Variants in RBPJ observed in about 807,000 individuals in gnomAD.
RBPJ encodes recombination signal binding protein for immunoglobulin kappa J region.
A neutral mutation model predicts 67.8 loss-of-function variants in RBPJ; 9 were observed. The ratio of observed to expected loss-of-function variants is 0.13; its 90% confidence interval spans 0.08 to 0.23. The LOEUF is 0.23. RBPJ is among the 10% of genes least tolerant of loss of function. RBPJ has a pLI of 1.00. For synonymous variants in RBPJ, 198 were observed against 203.3 expected (o/e 0.97, Z 0.22); for missense variants, 305 against 595.6 (o/e 0.51, Z 5.08).
intron 1 of RBPJ, among the ~76,000 whole-genome samples, chr4:26,228,548 C>T (rs996033020): frequency 6.6e-6 from 1 of 152,194 alleles, no homozygotes; most frequent in African/African-American, 2.4e-5. Context: ...TTAATTCAAG[C>T]CTGTATTTCC....
chr4:26,409,648 C>T (rs1733826079), intron 3 of RBPJ, among the ~76,000 whole-genome samples: 1 of 152,104 alleles, frequency 6.6e-6, no homozygotes, highest in East Asian at 1.9e-4. Context: ...TACAGGCACC[C>T]ACCACCACGC....
At chr4:26,156,854 G>T in the RBPJ span, among the ~76,000 whole-genome samples, 2 of 151,860 alleles carry the variant, frequency 1.3e-5, no homozygotes, top group Non-Finnish European at 2.9e-5. Context: ...CAGATTGCTT[G>T]AGCCCAGGAA....
intron 2 of RBPJ, among the ~76,000 whole-genome samples, chr4:26,389,924 T>C (rs1001856145): frequency 2.0e-5 from 3 of 152,160 alleles, no homozygotes; most frequent in African/African-American, 7.2e-5. Flanking sequence ...GAGCAGGACA[T>C]ACTTCTCAGT....
chr4:26,244,288 T>TGTACAC (rs1227375951), intron 1 of RBPJ, among the ~76,000 whole-genome samples: 53 of 149,206 alleles, frequency 3.6e-4, no homozygotes, highest in Non-Finnish European at 5.0e-4. Flanking sequence ...TGTGTATATG[T>TGTACAC]ATACACATAT....
At chr4:26,394,770 A>G (rs1442609336) in intron 2 of RBPJ, among the ~76,000 whole-genome samples, 1 of 152,168 alleles carries the variant, frequency 6.6e-6, no homozygotes, top group Non-Finnish European at 1.5e-5. Flanking sequence ...AAAAGGTAAG[A>G]CTGGAATCCT....
chr4:26,180,725 G>A (rs1404990489), intron 1 of RBPJ, among the ~76,000 whole-genome samples: 1 of 152,146 alleles, frequency 6.6e-6, no homozygotes. Context: ...TCAAACTATA[G>A]CATTGTGGTC....
the RBPJ span, among the ~76,000 whole-genome samples, chr4:26,121,677 G>GA: frequency 4.0e-5 from 6 of 151,368 alleles, no homozygotes; most frequent in South Asian, 2.1e-4. Context: ...AACCAAAATG[G>GA]AAAAAAAACA....
intron 1 of RBPJ, among the ~76,000 whole-genome samples, chr4:26,332,678 TC>T (rs1238772467): frequency 6.6e-6 from 1 of 152,192 alleles, no homozygotes; most frequent in Non-Finnish European, 1.5e-5. Flanking sequence ...TGAGACAGGG[TC>T]TCGCTTTGCT....
chr4:26,232,038 T>C (rs1352697645), intron 1 of RBPJ, among the ~76,000 whole-genome samples: 2 of 151,490 alleles, frequency 1.3e-5, no homozygotes, highest in East Asian at 2.0e-4. Context: ...ACTACAGGCA[T>C]GCATCACCAT....
intron 1 of RBPJ, among the ~76,000 whole-genome samples, chr4:26,348,910 T>C (rs916556842): frequency 6.6e-6 from 1 of 152,076 alleles, no homozygotes; most frequent in African/African-American, 2.4e-5. Context: ...TCTCACTATG[T>C]TGCTCAGGCT....
At chr4:26,253,544 C>T (rs1016458405) in intron 1 of RBPJ, among the ~76,000 whole-genome samples, 1 of 151,432 alleles carries the variant, frequency 6.6e-6, no homozygotes, top group Admixed American at 6.6e-5. Flanking sequence ...ATCTCCTGAC[C>T]TCGTGATCCG....
intron 1 of RBPJ, among the ~76,000 whole-genome samples, chr4:26,204,504 T>A (rs1250407310): frequency 6.6e-6 from 1 of 152,220 alleles, no homozygotes; most frequent in African/African-American, 2.4e-5. Flanking sequence ...AATGTGCTTA[T>A]GAGCGTGGGT....
chr4:26,320,404 A>C (rs556618804), upstream of RBPJ, among the ~76,000 whole-genome samples: 1 of 152,244 alleles, frequency 6.6e-6, no homozygotes, highest in African/African-American at 2.4e-5. Context: ...GGGTGTAATG[A>C]ATGAAGACAG....
At chr4:26,353,411 A>C (rs1422700281) in intron 1 of RBPJ, among the ~76,000 whole-genome samples, 1 of 152,202 alleles carries the variant, frequency 6.6e-6, no homozygotes, top group South Asian at 2.1e-4. Flanking sequence ...TGGTTCTGCC[A>C]CTTAAATGTC....
chr4:26,323,425 T>C (rs1207741100), intron 1 of RBPJ, among the ~76,000 whole-genome samples: 1 of 152,216 alleles, frequency 6.6e-6, no homozygotes, highest in Non-Finnish European at 1.5e-5. Context: ...TGTAATACTT[T>C]TACTTACATG....
chr4:26,404,946 G>A (rs577577800), intron 2 of RBPJ, among the ~76,000 whole-genome samples: 1 of 152,186 alleles, frequency 6.6e-6, no homozygotes, highest in East Asian at 1.9e-4. Context: ...GGTGCTTTTT[G>A]TACATATCTC....
intron 3 of RBPJ, 81 bp downstream of exon 3, chr4:26,406,351 G>C: frequency 1.1e-6 from 1 of 871,490 alleles, no homozygotes; most frequent in East Asian, 2.4e-5. Flanking sequence ...CATGTCAGAG[G>C]ATGGCTTCTA....
At chr4:26,160,016 T>C (rs1350513058), upstream of RBPJ, among the ~76,000 whole-genome samples, 1 of 152,092 alleles carries the variant, frequency 6.6e-6, no homozygotes, top group African/African-American at 2.4e-5. Flanking sequence ...CTTCCCGAGT[T>C]CACGCCATTC....
intron 1 of RBPJ, among the ~76,000 whole-genome samples, chr4:26,282,294 G>A (rs1236535259): frequency 1.3e-5 from 2 of 151,414 alleles, no homozygotes; most frequent in Non-Finnish European, 2.9e-5. Context: ...GGGATAAAGT[G>A]CCAACACCAT....
Sources: gnomAD v4.1 joint callset for allele counts (sites outside exome capture counted in the v4.1 genomes callset) on GRCh38, gnomAD v4.1.1 for gene constraint, MANE v1.5 for transcripts, NCBI Gene and HGNC (gene_info 2026-07-23, HGNC 2026-07-21) for gene names.